The following SEMA3E variants were observed in gnomAD, a reference collection of about 807,000 sequenced individuals.
SEMA3E encodes the protein semaphorin 3E, also known as semaphorin-3E.
SEMA3E carries 49 observed loss-of-function variants against 93.6 expected under a neutral mutation model. The ratio of observed to expected loss-of-function variants is 0.52; its 90% CI spans 0.42 to 0.66. The LOEUF (loss-of-function observed/expected upper bound fraction) is 0.66. SEMA3E is among the 30% of genes least tolerant of loss of function. SEMA3E has a pLI of 0.00. For synonymous variants in SEMA3E, 363 were observed against 330.7 expected (o/e 1.10, Z -1.06); for missense variants, 906 against 964.8 (o/e 0.94, Z 0.81).
chr7:83,435,705 C>G (rs1323630990), intron 4 of SEMA3E, among the ~76,000 whole-genome samples: 1 of 152,096 alleles, frequency 6.6e-6, no homozygotes, highest in African/African-American at 2.4e-5. Flanking sequence ...CCTGTATATT[C>G]TAACAAAAAT....
At chr7:83,444,159 C>A (rs1789178252) in intron 4 of SEMA3E, among the ~76,000 whole-genome samples, 1 of 152,064 alleles carries the variant, frequency 6.6e-6, no homozygotes, top group African/African-American at 2.4e-5. Flanking sequence ...TGATCTCAGT[C>A]TTGATGGATG....
chr7:83,410,969 A>T (rs547466942), intron 5 of SEMA3E, among the ~76,000 whole-genome samples: 6 of 152,204 alleles, frequency 3.9e-5, no homozygotes, highest in African/African-American at 1.4e-4. Flanking sequence ...CTTTAAAATC[A>T]TGAGTTTTCT....
At chr7:83,492,286 A>C (rs942310307) in intron 1 of SEMA3E, among the ~76,000 whole-genome samples, 5 of 151,938 alleles carry the variant, frequency 3.3e-5, no homozygotes, top group African/African-American at 1.2e-4. Flanking sequence ...CCAGTAAAGG[A>C]GGTACTCCAT....
At chr7:83,527,608 C>G (rs1791187857) in intron 1 of SEMA3E, among the ~76,000 whole-genome samples, 1 of 152,120 alleles carries the variant, frequency 6.6e-6, no homozygotes, top group Non-Finnish European at 1.5e-5. Flanking sequence ...TATACTTAAA[C>G]ATTGGAAGCT....
intron 1 of SEMA3E, among the ~76,000 whole-genome samples, chr7:83,538,298 C>T (rs1334838111): frequency 6.6e-6 from 1 of 152,188 alleles, no homozygotes; most frequent in African/African-American, 2.4e-5. Flanking sequence ...CATCATTTTA[C>T]ATTCCCACCA....
At chr7:83,506,681 C>CA (rs1341530739) in intron 1 of SEMA3E, among the ~76,000 whole-genome samples, 1 of 151,960 alleles carries the variant, frequency 6.6e-6, no homozygotes, top group African/African-American at 2.4e-5. Context: ...GAAAGATTTA[C>CA]AAAACCCATA....
intron 14 of SEMA3E, among the ~76,000 whole-genome samples, chr7:83,389,524 C>T (rs1221927157): frequency 8.0e-6 from 1 of 124,650 alleles, no homozygotes; most frequent in Admixed American, 8.4e-5. Flanking sequence ...CATTCTCCAG[C>T]AAGGTTTCAG....
intron 9 of SEMA3E, 151 bp downstream of exon 9, chr7:83,405,299 G>T: frequency 1.5e-6 from 1 of 645,652 alleles, no homozygotes. Flanking sequence ...GCAAACGTTG[G>T]AAAATAAAGA....
chr7:83,521,149 C>T (rs1273493201), intron 1 of SEMA3E, among the ~76,000 whole-genome samples: 2 of 151,536 alleles, frequency 1.3e-5, no homozygotes, highest in South Asian at 2.1e-4. Context: ...TTTATGGGGA[C>T]CTCTGTAGGA....
intron 1 of SEMA3E, among the ~76,000 whole-genome samples, chr7:83,648,050 T>C (rs1038368281): frequency 3.3e-5 from 5 of 152,174 alleles, no homozygotes; most frequent in Non-Finnish European, 4.4e-5. Flanking sequence ...TTGTTTCTCA[T>C]ATGCATAAAC....
chr7:83,486,401 G>C (rs1790255924), intron 2 of SEMA3E, among the ~76,000 whole-genome samples: 1 of 152,024 alleles, frequency 6.6e-6, no homozygotes, highest in Admixed American at 6.6e-5. Flanking sequence ...CAGAGATAGA[G>C]AAAGCACAAC....
At chr7:83,521,062 C>T (rs1029577337) in intron 1 of SEMA3E, among the ~76,000 whole-genome samples, 6 of 151,798 alleles carry the variant, frequency 4.0e-5, no homozygotes, top group Non-Finnish European at 8.8e-5. Flanking sequence ...GGTCCCTGTT[C>T]GAGAAGGACC....
intron 3 of SEMA3E, 46 bp downstream of exon 3, chr7:83,469,196 AG>A: frequency 7.1e-7 from 1 of 1,411,170 alleles, no homozygotes; most frequent in South Asian, 1.2e-5. Context: ...GTGGTTAACT[AG>A]GGATATAATT....
intron 4 of SEMA3E, among the ~76,000 whole-genome samples, chr7:83,457,395 T>G (rs1789508046): frequency 6.6e-6 from 1 of 152,246 alleles, no homozygotes; most frequent in African/African-American, 2.4e-5. Flanking sequence ...GGACATCTGT[T>G]AGATTCTTAC....
chr7:83,455,438 G>A (rs766652355), intron 4 of SEMA3E, among the ~76,000 whole-genome samples: 1 of 152,230 alleles, frequency 6.6e-6, no homozygotes, highest in Non-Finnish European at 1.5e-5. Flanking sequence ...CCTATGCCTT[G>A]CCTCTCCCAG....
At chr7:83,506,032 A>ATAT (rs1328621838) in intron 1 of SEMA3E, among the ~76,000 whole-genome samples, 37 of 119,712 alleles carry the variant, frequency 3.1e-4, no homozygotes, top group African/African-American at 7.5e-4. Context: ...AAAAAAAAAA[A>ATAT]ATATATATAT....
At chr7:83,477,529 C>T (rs2115925557) in intron 2 of SEMA3E, among the ~76,000 whole-genome samples, 1 of 152,206 alleles carries the variant, frequency 6.6e-6, no homozygotes, top group East Asian at 1.9e-4. Flanking sequence ...ATTATAATAA[C>T]TGTCATTACT....
chr7:83,561,472 C>T (rs1304576938), intron 1 of SEMA3E, among the ~76,000 whole-genome samples: 3 of 151,972 alleles, frequency 2.0e-5, no homozygotes, highest in Non-Finnish European at 2.9e-5. Context: ...TTTTTGCCTG[C>T]CTCCTAATCC....
At chr7:83,618,959 C>T (rs1463294308) in intron 1 of SEMA3E, among the ~76,000 whole-genome samples, 2 of 151,810 alleles carry the variant, frequency 1.3e-5, no homozygotes, top group African/African-American at 2.4e-5. Context: ...CATAGAAAAA[C>T]ATACCCATCA....
Sources: allele counts gnomAD v4.1 joint callset (sites outside exome capture counted in the v4.1 genomes callset), GRCh38; gene constraint gnomAD v4.1.1; transcripts MANE v1.5; gene names NCBI Gene and HGNC (gene_info 2026-07-23, HGNC 2026-07-21).